FAF1: variants seen among roughly 807,000 people sequenced by gnomAD.
FAF1 encodes the protein Fas associated factor 1.
FAF1 carries 25 observed loss-of-function variants against 92.5 expected under a neutral mutation model. The observed-to-expected ratio is 0.27, with a 90% CI of 0.20 to 0.38. The LOEUF (loss-of-function observed/expected upper bound fraction) is 0.38. Among genes scored for constraint, FAF1 ranks in the 10% least tolerant of loss-of-function variants. The pLI is 1.00. For missense variants in FAF1, 636 were observed against 793.3 expected (o/e 0.80, Z 2.38); for synonymous variants, 234 against 273.2 (o/e 0.86, Z 1.42).
intron 7 of FAF1, among the ~76,000 whole-genome samples, chr1:50,705,102 A>G (rs1220163228): frequency 1.3e-5 from 2 of 152,244 alleles, no homozygotes; most frequent in African/African-American, 4.8e-5. Context: ...GTTTCTAAAC[A>G]TAAGTCCTGT....
At chr1:50,942,960 A>G (rs1645145400) in intron 1 of FAF1, among the ~76,000 whole-genome samples, 2 of 152,162 alleles carry the variant, frequency 1.3e-5, no homozygotes, top group African/African-American at 4.8e-5. Flanking sequence ...GGTGCAAGCA[A>G]CCAGCCCTCT....
Position 50,440,143 on chromosome 1 carries a change from C to T in FAF1, c.*1297G>A, listed in dbSNP as rs1359543555. Reference sequence around the variant, plus strand: ...AAAATGTTAAAATCAGGATCCCAACCCCTAGGATAAAACCCACAGGTGACA... The same window carrying T: ...AAAATGTTAAAATCAGGATCCCAACTCCTAGGATAAAACCCACAGGTGACA... On this transcript the variant is annotated 3_prime_UTR_variant, in exon 19 of 19. Transcript: ENST00000396153. 6.6e-6 allele frequency: 1 copy of T among 152,148 alleles called. No homozygotes were observed. The highest frequency in any genetic ancestry group is 6.5e-5 in the Admixed American group (1 of 15,268). The allele number at this position is 152,148 out of a possible 1,614,324, so 9.4% of individuals were successfully genotyped here.
At chr1:50,460,213 G>C (rs1354524352) in intron 18 of FAF1, among the ~76,000 whole-genome samples, 1 of 152,068 alleles carries the variant, frequency 6.6e-6, no homozygotes, top group Non-Finnish European at 1.5e-5. Flanking sequence ...AAAACTGTAT[G>C]CAATTCCCCA....
chr1:50,600,060 C>T (rs1224753148), intron 8 of FAF1, among the ~76,000 whole-genome samples: 1 of 152,090 alleles, frequency 6.6e-6, no homozygotes, highest in East Asian at 1.9e-4. Context: ...TCCCTAATTG[C>T]TGAACATTTT....
intron 8 of FAF1, among the ~76,000 whole-genome samples, chr1:50,622,954 C>T (rs762624771): frequency 3.1e-4 from 47 of 152,104 alleles, no homozygotes; most frequent in Non-Finnish European, 5.4e-4. Context: ...GGACCTGATT[C>T]TCTCCCTCAT....
chr1:50,772,878 T>C (rs1660822663), intron 4 of FAF1, among the ~76,000 whole-genome samples: 1 of 152,150 alleles, frequency 6.6e-6, no homozygotes, highest in Non-Finnish European at 1.5e-5. Context: ...TAAATATCAT[T>C]AGACACCCAT....
chr1:50,636,379 C>CTTTTTTT (rs1213567555), intron 8 of FAF1, among the ~76,000 whole-genome samples: 16 of 79,892 alleles, frequency 2.0e-4, no homozygotes, highest in African/African-American at 2.3e-4. Context: ...GGGGCGTGTC[C>CTTTTTTT]TTTTTTTTTT....
Position 50,606,463 on chromosome 1 carries a change from T to C in FAF1, c.745-10247A>G, listed in dbSNP as rs1041376821. On this transcript the variant is annotated intron_variant, in intron 8 of 18. Transcript: ENST00000396153. ...CCAACCTGTGGAGAGCATTTTTGTT[T>C]AGATATATTGTAGCTGTGAGAGTTG... is the stretch of plus-strand genomic sequence containing the variant. Among the ~76,000 whole-genome samples, 10 of 151,192 alleles carry C rather than the reference T, an allele frequency of 6.6e-5. No homozygotes were observed. The East Asian group carries it at 1.5e-3, about 23-fold the overall frequency.
At chr1:50,760,159 C>T (rs368482838) in intron 4 of FAF1, among the ~76,000 whole-genome samples, 2 of 152,174 alleles carry the variant, frequency 1.3e-5, no homozygotes, top group African/African-American at 2.4e-5. Context: ...TATATGCACC[C>T]AATACAGGAG....
rs1344020170 is a variant in FAF1, at chr1:50,913,528, A to G, written c.45+46239T>C. 3.9e-5 allele frequency among the ~76,000 whole-genome samples: 6 copies of G among 152,218 alleles called. No homozygotes were observed. In the East Asian group the frequency reaches 1.2e-3, roughly 29 times the overall value. On this transcript the variant is annotated intron_variant, in intron 1 of 18. Transcript: ENST00000396153. Reference sequence around the variant, plus strand: ...TCAAGATGTTAACATCAAAAAAGGAAGAGAATCTGTATCACAGTTTTACAA... The same window carrying G: ...TCAAGATGTTAACATCAAAAAAGGAGGAGAATCTGTATCACAGTTTTACAA...
At chr1:50,837,738 G>A (rs1644221434) in intron 2 of FAF1, among the ~76,000 whole-genome samples, 1 of 150,912 alleles carries the variant, frequency 6.6e-6, no homozygotes, top group South Asian at 2.1e-4. Context: ...GTTGGGAAAG[G>A]GGAAGCTCCT....
intron 1 of FAF1, among the ~76,000 whole-genome samples, chr1:50,899,685 T>A (rs1644781622): frequency 6.6e-6 from 1 of 152,160 alleles, no homozygotes. Context: ...GCTCCTGACC[T>A]TGTGATCCAC....
At chr1:50,453,198 C>A (rs1287218067) in intron 18 of FAF1, among the ~76,000 whole-genome samples, 4 of 152,212 alleles carry the variant, frequency 2.6e-5, no homozygotes, top group Non-Finnish European at 4.4e-5. Context: ...ATCATTTAAA[C>A]TTCTGAAAAA....
Position 50,667,275 on chromosome 1 carries a change from C to T in FAF1, c.658-11747G>A, listed in dbSNP as rs555729159. On this transcript the variant is annotated intron_variant, in intron 7 of 18. Transcript: ENST00000396153. ...CACTTTTGGCCAATGCCTTCTGAGT[C>T]TCCTTCACCCCTTACATTAGTAAGG... Among the ~76,000 whole-genome samples, 5 of 152,336 alleles carry T rather than the reference C, an allele frequency of 3.3e-5. No individual in the cohort carries two copies. In the East Asian group the frequency reaches 9.6e-4, roughly 29 times the overall value.
In FAF1 at chr1:50,610,974, G is replaced by A. The variant is rs144528390; in HGVS notation, c.745-14758C>T. Among the ~76,000 whole-genome samples, 25 of 152,330 alleles carry A rather than the reference G, an allele frequency of 1.6e-4. No homozygotes were observed. In the East Asian group the frequency reaches 4.4e-3, roughly 27 times the overall value. On this transcript the variant is annotated intron_variant, in intron 8 of 18. Transcript: ENST00000396153. ...CAGAGAGCTACAAAATAGGTTCCCAGGGTTGAGCTTTGTGCAGCATCTGAA... is the reference window on the plus strand; with the variant it reads ...CAGAGAGCTACAAAATAGGTTCCCAAGGTTGAGCTTTGTGCAGCATCTGAA...
intron 7 of FAF1, among the ~76,000 whole-genome samples, chr1:50,690,266 G>A (rs558781377): frequency 3.4e-4 from 52 of 152,042 alleles, no homozygotes; most frequent in Admixed American, 1.1e-3. Flanking sequence ...GATTACAGGC[G>A]TGAGCCACCG....
At chr1:50,875,076 A>G (rs1318797665) in intron 1 of FAF1, among the ~76,000 whole-genome samples, 1 of 151,960 alleles carries the variant, frequency 6.6e-6, no homozygotes, top group Non-Finnish European at 1.5e-5. Context: ...TTTACATTAT[A>G]TATGAATTCA....
intron 4 of FAF1, among the ~76,000 whole-genome samples, chr1:50,747,955 C>G (rs1396962287): frequency 6.6e-6 from 1 of 152,166 alleles, no homozygotes; most frequent in Non-Finnish European, 1.5e-5. Flanking sequence ...CTCCCTGAAG[C>G]CTCCCCAGAA....
chr1:50,751,080 G>T (rs1473217191), intron 4 of FAF1, among the ~76,000 whole-genome samples: 5 of 134,076 alleles, frequency 3.7e-5, no homozygotes, highest in Admixed American at 8.1e-5. Flanking sequence ...TGTTAAACAA[G>T]CTGTACATCC....
Sources: gnomAD v4.1 joint callset for allele counts (sites outside exome capture counted in the v4.1 genomes callset) on GRCh38, gnomAD v4.1.1 for gene constraint, MANE v1.5 for transcripts, NCBI Gene and HGNC (gene_info 2026-07-23, HGNC 2026-07-21) for gene names.